The following ABCA4 variants were observed in gnomAD, a reference collection of about 807,000 sequenced individuals.
ABCA4 encodes the protein retinal-specific phospholipid-transporting ATPase ABCA4.
In ABCA4, 196 loss-of-function variants were observed where a neutral mutation model predicts 263.7. The ratio of observed to expected loss-of-function variants is 0.74; its 90% CI spans 0.66 to 0.84. The LOEUF is 0.84. ABCA4 is among the 40% of genes least tolerant of loss of function. The probability of loss-of-function intolerance (pLI) is 0.00; values close to 1 mark genes in which losing one functional copy is unlikely to be tolerated. For synonymous variants in ABCA4, 1,133 were observed against 1,094.2 expected, an observed-to-expected ratio of 1.04 and a Z score of -0.70; for missense variants, 2,792 against 2,855.1, an observed-to-expected ratio of 0.98 and a Z score of 0.50.
chr1:94,042,098 C>CAAAAAAAAAAAAAAAAAAAAAA (rs11334956), intron 22 of ABCA4, among the ~76,000 whole-genome samples: 3 of 81,270 alleles, frequency 3.7e-5, no homozygotes, highest in Non-Finnish European at 6.9e-5. Context: ...GATTCTGTCT[C>CAAAAAAAAAAAAAAAAAAAAAA]AAAAAAAAAA....
intron 30 of ABCA4, among the ~76,000 whole-genome samples, chr1:94,027,244 AG>A: frequency 6.6e-6 from 1 of 152,362 alleles, no homozygotes; most frequent in Non-Finnish European, 1.5e-5. Context: ...CATTTTGTCC[AG>A]GGACCAAGGA....
At chr1:94,071,441 C>G (rs1661396338) in intron 11 of ABCA4, among the ~76,000 whole-genome samples, 1 of 152,188 alleles carries the variant, frequency 6.6e-6, no homozygotes, top group African/African-American at 2.4e-5. Context: ...ACTTTCTGAG[C>G]CCCCTATTAA....
chr1:94,119,617 T>C (rs1271647993), intron 1 of ABCA4, among the ~76,000 whole-genome samples: 2 of 152,104 alleles, frequency 1.3e-5, no homozygotes, highest in Non-Finnish European at 2.9e-5. Flanking sequence ...AGACCTCTCA[T>C]CTATGCTCCA....
Position 94,024,984 on chromosome 1 carries a change from A to G in ABCA4, c.4604T>C (p.Val1535Ala). 6.2e-7 allele frequency: 1 copy of G among 1,614,208 alleles called. No individual in the cohort carries two copies. The highest frequency in any genetic ancestry group is 8.5e-7 in the Non-Finnish European group (1 of 1,180,028). ...LTDRNISDFLVKTYPALIRSS... is the reference protein window; with the variant it reads ...LTDRNISDFLAKTYPALIRSS... Reference sequence around the variant, plus strand: ...TCTTATAAGAGCAGGATACGTTTTTACCAAGAAGTCGGAGATGTTCCTGTC... The same window carrying G: ...TCTTATAAGAGCAGGATACGTTTTTGCCAAGAAGTCGGAGATGTTCCTGTC... Residue 1535 changes from valine (V) to alanine (A), a missense_variant, in exon 31 of 50, where the codon GTA becomes GCA. Coordinates refer to ENST00000370225, the MANE Select transcript of ABCA4 (RefSeq NM_000350.3).
At chr1:94,117,026 C>CTTTCTTTCTTTT (rs1557812450) in intron 1 of ABCA4, among the ~76,000 whole-genome samples, 1 of 71,830 alleles carries the variant, frequency 1.4e-5, no homozygotes, top group African/African-American at 5.7e-5. Context: ...TTCTTTCTTT[C>CTTTCTTTCTTTT]CTTTTCTTTC....
chr1:94,014,902 T>C (rs529775350), intron 37 of ABCA4, among the ~76,000 whole-genome samples: 24 of 152,322 alleles, frequency 1.6e-4, no homozygotes, highest in African/African-American at 5.3e-4. Flanking sequence ...TCATGGGGTT[T>C]TGTGAGGAGC....
Position 94,077,042 on chromosome 1 carries a change from C to T in ABCA4, c.1554+648G>A, listed in dbSNP as rs138535498. ...CTGCAAATTGGCAATGATAATGGTG[C>T]AAGCCTCATGGAGCTGTGAGAATTA... is the stretch of plus-strand genomic sequence containing the variant. On this transcript the variant is annotated intron_variant, in intron 11 of 49. Coordinates refer to ENST00000370225, the MANE Select transcript of ABCA4 (RefSeq NM_000350.3). 1.1e-3 allele frequency among the ~76,000 whole-genome samples: 170 copies of T among 152,288 alleles called. 1 individual carries two copies. Among genetic ancestry groups the T allele is most frequent in the African/African-American group, 3.7e-3 (152 of 41,554 alleles).
intron 37 of ABCA4, among the ~76,000 whole-genome samples, chr1:94,015,418 C>T (rs1659703132): frequency 6.6e-6 from 1 of 151,082 alleles, no homozygotes; most frequent in South Asian, 2.1e-4. Context: ...GAGTGAGAGT[C>T]AGAGCTGGGT....
At chr1:94,059,327 T>C (rs1044826827) in intron 14 of ABCA4, 2 of 152,202 alleles carry the variant, frequency 1.3e-5, no homozygotes, top group Non-Finnish European at 2.9e-5. Context: ...CCTTTGCAAA[T>C]GTAAGCCCAC....
chr1:94,016,234 A>G (rs1571254422), intron 36 of ABCA4, among the ~76,000 whole-genome samples: 2 of 152,168 alleles, frequency 1.3e-5, no homozygotes, highest in South Asian at 4.1e-4. Context: ...AAATAATGAT[A>G]CCCTTTTTAA....
In ABCA4 at chr1:94,029,447, G is replaced by T. The variant is rs759373898; in HGVS notation, c.4537C>A (p.Gln1513Lys). The T allele has an allele frequency of 1.3e-6, 2 of 1,548,894 alleles. No individual in the cohort carries two copies. Among genetic ancestry groups the T allele is most frequent in the South Asian group, 1.2e-5 (1 of 84,218 alleles). Residue 1513 changes from glutamine (Q) to lysine (K), a missense_variant and splice_region_variant, in exon 30 of 50, where the codon CAG becomes AAG. Physicochemically the swap from Gln to Lys is moderately conservative, Grantham distance 53 (BLOSUM62 1). Coordinates refer to ENST00000370225, the MANE Select transcript of ABCA4 (RefSeq NM_000350.3). ...CCCGTTGTTTGGAGGTCAGGTACCT[G>T]GGGGGGCGGGAGGCCCCCGGCACCC... is the stretch of plus-strand genomic sequence containing the variant. ...PEGAGGLPPPQRTQRSTEILQ... is the reference protein window; with the variant it reads ...PEGAGGLPPPKRTQRSTEILQ...
chr1:94,047,735 C>T (rs1387230560), intron 18 of ABCA4, among the ~76,000 whole-genome samples: 1 of 152,076 alleles, frequency 6.6e-6, no homozygotes, highest in Admixed American at 6.5e-5. Context: ...CCAGGTTTTC[C>T]AATAGGTGGG....
In ABCA4 at chr1:94,079,816, C is replaced by T. The variant is rs1240000590; in HGVS notation, c.1100-355G>A. On this transcript the variant is annotated intron_variant, in intron 8 of 49. Coordinates refer to ENST00000370225, the MANE Select transcript of ABCA4 (RefSeq NM_000350.3). ...CAAACAAGGCCCCCGCTTGGAATCT[C>T]AGCTTGAGCCTCAGTAATTTCCCTT... Among the ~76,000 whole-genome samples, 3 of 152,168 alleles carry T rather than the reference C, an allele frequency of 2.0e-5. No homozygotes were observed. In the East Asian group the frequency reaches 5.8e-4, roughly 29 times the overall value.
In ABCA4 at chr1:94,000,987, C is replaced by G; in HGVS notation, c.6386+15G>C. On this transcript the variant is annotated intron_variant, in intron 46 of 49. Coordinates refer to ENST00000370225, the MANE Select transcript of ABCA4 (RefSeq NM_000350.3). ...GGATTCCCACCCACCTTCCCCAGCC[C>G]TGGGAATCTCTTGCCTGTGGGATGT... The G allele has an allele frequency of 6.2e-7, 1 of 1,614,104 alleles. No homozygotes were observed. The highest frequency in any genetic ancestry group is 8.5e-7 in the Non-Finnish European group (1 of 1,179,954).
chr1:94,020,678 G>A (rs969617800), intron 35 of ABCA4, among the ~76,000 whole-genome samples: 3 of 152,308 alleles, frequency 2.0e-5, no homozygotes, highest in South Asian at 2.1e-4. Context: ...ACCCCACAAC[G>A]TTGCTGAAGT....
chr1:94,019,737 C>A lies in ABCA4; in HGVS notation c.5041G>T (p.Val1681Leu). The A allele has an allele frequency of 6.2e-7, 1 of 1,612,916 alleles. No homozygotes were observed. Among genetic ancestry groups the A allele is most frequent in the South Asian group, 1.1e-5 (1 of 90,782 alleles). ...GAGAAAATCACGCAGATGGCAACCA[C>A]AGCATCCACTGAAGTGGTCAGCCTG... is the stretch of plus-strand genomic sequence containing the variant. Reference protein sequence around the residue: ...ITVLTTSVDAVVAICVIFSMS... With the variant: ...ITVLTTSVDALVAICVIFSMS... Residue 1681 changes from valine to leucine, a missense_variant, in exon 36 of 50, where the codon GTG (valine) becomes TTG (leucine). Val to Leu is a conservative substitution (Grantham distance 32). Coordinates refer to ENST00000370225, the MANE Select transcript of ABCA4 (RefSeq NM_000350.3).
chr1:94,034,879 A>C (rs1488558943), intron 26 of ABCA4, among the ~76,000 whole-genome samples: 2 of 152,238 alleles, frequency 1.3e-5, no homozygotes, highest in Non-Finnish European at 2.9e-5. Flanking sequence ...CAGTGATCGT[A>C]TACTGTGTTA....
intron 19 of ABCA4, 110 bp from the exon 20 acceptor site, chr1:94,044,854 G>A: frequency 6.4e-7 from 1 of 1,559,062 alleles, no homozygotes; most frequent in African/African-American, 1.4e-5. Context: ...CCTGCCTGGG[G>A]CTGTCAGTCA....
intron 11 of ABCA4, among the ~76,000 whole-genome samples, chr1:94,075,618 T>C (rs553621868): frequency 9.5e-4 from 145 of 152,294 alleles, no homozygotes; most frequent in African/African-American, 3.4e-3. Flanking sequence ...CACTAGTTTG[T>C]TATCCTCAGG....
Sources: allele counts gnomAD v4.1 joint callset (sites outside exome capture counted in the v4.1 genomes callset), GRCh38; gene constraint gnomAD v4.1.1; transcripts MANE v1.5; gene names NCBI Gene and HGNC (gene_info 2026-07-23, HGNC 2026-07-21).